Variants in PDE10A observed in about 807,000 individuals in gnomAD.
The protein encoded by PDE10A is cAMP and cAMP-inhibited cGMP 3',5'-cyclic phosphodiesterase 10A.
PDE10A carries 39 observed loss-of-function variants against 97.7 expected under a neutral mutation model. That is an observed-to-expected ratio of 0.40 (90% CI 0.31 to 0.52). The LOEUF is 0.52. Among genes scored for constraint, PDE10A ranks in the 20% least tolerant of loss-of-function variants. PDE10A has a pLI of 0.56. For synonymous variants in PDE10A, 371 were observed against 376.8 expected (o/e 0.98, Z 0.18); for missense variants, 731 against 1,047.8 (o/e 0.70, Z 4.17).
chr6:165,401,696 T>C (rs1056375616), intron 13 of PDE10A, among the ~76,000 whole-genome samples: 5 of 152,182 alleles, frequency 3.3e-5, no homozygotes, highest in African/African-American at 1.2e-4. Flanking sequence ...GACACTGCTG[T>C]CACCTTTTCC....
intron 1 of PDE10A, among the ~76,000 whole-genome samples, chr6:165,946,053 C>A (rs1485899292): frequency 2.5e-5 from 3 of 120,468 alleles, no homozygotes; most frequent in Non-Finnish European, 5.0e-5. Context: ...GTTGCCTGTG[C>A]TTTTGGGGTC....
Position 165,700,576 on chromosome 6 carries a change from A to G in PDE10A, c.-614-157008T>C, listed in dbSNP as rs76286052. On this transcript the variant is annotated intron_variant, in intron 1 of 19. Transcript: ENST00000366882. ...ATTTCTTTTTACCGTTTTGCAGGTA[A>G]TGTTATATAAAATAAGAGAGTTTGG... 5.0e-3 allele frequency among the ~76,000 whole-genome samples: 767 copies of G among 152,304 alleles called. 10 individuals are homozygous for G. The highest frequency in any genetic ancestry group is 0.018 in the African/African-American group (740 of 41,568).
At chr6:165,801,204 A>G (rs1405293236) in intron 1 of PDE10A, among the ~76,000 whole-genome samples, 1 of 152,228 alleles carries the variant, frequency 6.6e-6, no homozygotes. Context: ...TTGCAAAGGC[A>G]TCACCCTCTC....
Position 165,656,399 on chromosome 6 carries a change from C to T in PDE10A, c.865+5548G>A, listed in dbSNP as rs537567817. Among the ~76,000 whole-genome samples the T allele has an allele frequency of 6.6e-5, 10 of 151,712 alleles. No individual in the cohort carries two copies. In the East Asian group the frequency reaches 1.6e-3, roughly 24 times the overall value. On this transcript the variant is annotated intron_variant, in intron 1 of 21. Transcript: ENST00000539869. ...TGCTACCTCCTGCTTGTATCTCTCC[C>T]GACCATTCATGTGCATGGCCCCATC... is the stretch of plus-strand genomic sequence containing the variant.
At chr6:165,345,583 G>A (rs1373890560) in intron 18 of PDE10A, among the ~76,000 whole-genome samples, 2 of 152,160 alleles carry the variant, frequency 1.3e-5, no homozygotes, top group Non-Finnish European at 2.9e-5. Context: ...AATTGTGAAA[G>A]GATCATGTTC....
chr6:165,856,751 A>G (rs1258320523), intron 1 of PDE10A, among the ~76,000 whole-genome samples: 1 of 152,198 alleles, frequency 6.6e-6, no homozygotes, highest in African/African-American at 2.4e-5. Context: ...AAACTTAGTT[A>G]GGTTTCTGTT....
At chr6:165,475,156 T>C (rs567802605) in intron 3 of PDE10A, among the ~76,000 whole-genome samples, 24 of 152,246 alleles carry the variant, frequency 1.6e-4, no homozygotes, top group African/African-American at 5.5e-4. Flanking sequence ...AGAAACCATT[T>C]TTCACACTTT....
chr6:165,771,260 C>G (rs1346289408), intron 1 of PDE10A, among the ~76,000 whole-genome samples: 1 of 152,174 alleles, frequency 6.6e-6, no homozygotes, highest in Non-Finnish European at 1.5e-5. Context: ...ATTTTGTTTC[C>G]TTATGTAGAA....
At chr6:165,720,383 C>A (rs1792135450) in intron 1 of PDE10A, among the ~76,000 whole-genome samples, 1 of 152,110 alleles carries the variant, frequency 6.6e-6, no homozygotes, top group African/African-American at 2.4e-5. Flanking sequence ...GCAGAAGCAA[C>A]CCCAGGCCAG....
chr6:165,379,071 A>G, intron 18 of PDE10A, 123 bp downstream of exon 18: 1 of 661,404 alleles, frequency 1.5e-6, no homozygotes, highest in Non-Finnish European at 2.5e-6. Context: ...TAAAGTGAAA[A>G]ACATGTAAAT....
rs910967611 is a variant in PDE10A, at chr6:165,446,509, T to C, written c.1194+2419A>G. Among the ~76,000 whole-genome samples, 3 of 151,928 alleles carry C rather than the reference T, an allele frequency of 2.0e-5. 1 individual carries two copies. Among genetic ancestry groups the C allele is most frequent in the Admixed American group, 1.3e-4 (2 of 15,258 alleles). Reference sequence around the variant, plus strand: ...TAGGTGGAATGCATAAAGGGCAAAATAGAGTGAGCAAAACACAGTAATTAT... The same window carrying C: ...TAGGTGGAATGCATAAAGGGCAAAACAGAGTGAGCAAAACACAGTAATTAT... On this transcript the variant is annotated intron_variant, in intron 5 of 21. Transcript: ENST00000539869.
At chr6:165,359,550 C>T (rs555611337) in intron 18 of PDE10A, among the ~76,000 whole-genome samples, 2 of 152,154 alleles carry the variant, frequency 1.3e-5, no homozygotes, top group Non-Finnish European at 2.9e-5. Flanking sequence ...CACTTCTCTG[C>T]TAAAATTCTG....
intron 1 of PDE10A, among the ~76,000 whole-genome samples, chr6:165,597,409 T>A (rs920486307): frequency 6.6e-6 from 1 of 152,182 alleles, no homozygotes; most frequent in African/African-American, 2.4e-5. Flanking sequence ...AATTCTCAAA[T>A]CGTATGTAGA....
intron 1 of PDE10A, among the ~76,000 whole-genome samples, chr6:165,965,403 T>A (rs1784481543): frequency 6.6e-6 from 1 of 151,814 alleles, no homozygotes; most frequent in African/African-American, 2.4e-5. Flanking sequence ...AAATCAGGGG[T>A]AGTGGCAGGT....
intron 20 of PDE10A, among the ~76,000 whole-genome samples, chr6:165,338,791 G>A (rs1006576338): frequency 6.6e-6 from 1 of 152,166 alleles, no homozygotes; most frequent in African/African-American, 2.4e-5. Flanking sequence ...TCGTGGCCAA[G>A]GTAGTATGAA....
intron 1 of PDE10A, among the ~76,000 whole-genome samples, chr6:165,756,449 T>A (rs531158194): frequency 1.3e-5 from 2 of 152,206 alleles, no homozygotes; most frequent in Admixed American, 1.3e-4. Flanking sequence ...TCTTTCTAGA[T>A]CCTTCCAGAT....
At chr6:165,645,220 C>A (rs1322856080) in intron 1 of PDE10A, among the ~76,000 whole-genome samples, 1 of 152,164 alleles carries the variant, frequency 6.6e-6, no homozygotes, top group African/African-American at 2.4e-5. Flanking sequence ...GAGTGCACAG[C>A]GAGGGTGCGG....
chr6:165,687,629 A>C (rs762654041), intron 1 of PDE10A, among the ~76,000 whole-genome samples: 1 of 152,148 alleles, frequency 6.6e-6, no homozygotes, highest in African/African-American at 2.4e-5. Flanking sequence ...AGACCAACTA[A>C]CATTTGTATA....
At chr6:165,576,600 C>T in intron 1 of PDE10A, 2 of 627,596 alleles carry the variant, frequency 3.2e-6, no homozygotes, top group Non-Finnish European at 5.8e-6. Context: ...CATGGCTACA[C>T]TTTAACCTAC....
Sources: gnomAD v4.1 joint callset for allele counts (sites outside exome capture counted in the v4.1 genomes callset) on GRCh38, gnomAD v4.1.1 for gene constraint, MANE v1.5 for transcripts, NCBI Gene and HGNC (gene_info 2026-07-23, HGNC 2026-07-21) for gene names.